The following AKAP6 variants were observed in gnomAD, a reference collection of about 807,000 sequenced individuals.
The protein encoded by AKAP6 is A-kinase anchoring protein 6.
Under a neutral mutation model 188.5 loss-of-function variants are expected in AKAP6, and 58 were observed. The observed-to-expected ratio is 0.31, with a 90% CI of 0.25 to 0.38. The LOEUF is 0.38. Ranked by LOEUF, AKAP6 falls within the 10% of genes least tolerant of loss-of-function variation. The pLI is 1.00. For missense variants in AKAP6, 2,710 were observed against 2,740.0 expected (o/e 0.99, Z 0.24); for synonymous variants, 989 against 998.6 (o/e 0.99, Z 0.18).
intron 4 of AKAP6, among the ~76,000 whole-genome samples, chr14:32,560,895 C>T (rs557605250): frequency 8.3e-4 from 126 of 152,214 alleles, no homozygotes; most frequent in Middle Eastern, 6.8e-3. Flanking sequence ...TGCAAACTGT[C>T]GGGCAGAATG....
chr14:32,476,519 A>G (rs1022539093), intron 2 of AKAP6, among the ~76,000 whole-genome samples: 1 of 152,222 alleles, frequency 6.6e-6, no homozygotes, highest in Non-Finnish European at 1.5e-5. Flanking sequence ...ATTTTTGTAT[A>G]GAATGCAAGT....
At chr14:32,652,792 C>T (rs1011885504) in intron 7 of AKAP6, among the ~76,000 whole-genome samples, 3 of 152,258 alleles carry the variant, frequency 2.0e-5, no homozygotes, top group East Asian at 1.9e-4. Context: ...GTGGCTCATG[C>T]GTATAATCCC....
chr14:32,752,269 A>G (rs896009543), intron 11 of AKAP6, among the ~76,000 whole-genome samples: 3 of 152,208 alleles, frequency 2.0e-5, no homozygotes, highest in African/African-American at 7.2e-5. Context: ...TGGGGCTGCA[A>G]GCAAAGTAAG....
chr14:32,487,473 C>A (rs1467643922), intron 2 of AKAP6, among the ~76,000 whole-genome samples: 1 of 152,208 alleles, frequency 6.6e-6, no homozygotes, highest in Non-Finnish European at 1.5e-5. Context: ...AGCTTTCTTG[C>A]ATTGGGTTAG....
At chr14:32,768,745 T>G (rs2139974382) in intron 11 of AKAP6, among the ~76,000 whole-genome samples, 1 of 152,320 alleles carries the variant, frequency 6.6e-6, no homozygotes, top group South Asian at 2.1e-4. Flanking sequence ...TCCTGTAGAC[T>G]AGTGTTCTCA....
chr14:32,758,884 C>G (rs1020873471), intron 11 of AKAP6, among the ~76,000 whole-genome samples: 2 of 152,204 alleles, frequency 1.3e-5, no homozygotes, highest in African/African-American at 4.8e-5. Context: ...CATTGGAACT[C>G]AGAGATTTAC....
chr14:32,450,256 A>G (rs1474398426), intron 2 of AKAP6, among the ~76,000 whole-genome samples: 1 of 152,124 alleles, frequency 6.6e-6, no homozygotes, highest in Non-Finnish European at 1.5e-5. Context: ...TTATGATTCT[A>G]TCCCAATCCA....
At chr14:32,664,250 G>A (rs1888825453) in intron 7 of AKAP6, among the ~76,000 whole-genome samples, 1 of 152,094 alleles carries the variant, frequency 6.6e-6, no homozygotes, top group African/African-American at 2.4e-5. Context: ...AATAAGTCAA[G>A]CTTTACAAGG....
chr14:32,654,123 C>G (rs1340462749), intron 7 of AKAP6, among the ~76,000 whole-genome samples: 1 of 152,092 alleles, frequency 6.6e-6, no homozygotes, highest in Non-Finnish European at 1.5e-5. Context: ...ATAAAATGCC[C>G]ATAATTTTTA....
intron 1 of AKAP6, among the ~76,000 whole-genome samples, chr14:32,355,906 C>A (rs1231187416): frequency 1.3e-5 from 2 of 152,020 alleles, no homozygotes; most frequent in Non-Finnish European, 2.9e-5. Flanking sequence ...TCCCAAGTAG[C>A]TGGGATTACA....
At chr14:32,629,921 A>T (rs1001684276) in intron 7 of AKAP6, among the ~76,000 whole-genome samples, 1 of 152,058 alleles carries the variant, frequency 6.6e-6, no homozygotes, top group Non-Finnish European at 1.5e-5. Flanking sequence ...AAATTTTTTT[A>T]AAAAAGAATG....
intron 3 of AKAP6, among the ~76,000 whole-genome samples, chr14:32,537,217 G>A (rs544656835): frequency 1.3e-5 from 2 of 152,136 alleles, no homozygotes; most frequent in African/African-American, 2.4e-5. Context: ...AATCAAAATC[G>A]ACTAGGCTTA....
At chr14:32,607,504 C>T (rs546556259) in intron 7 of AKAP6, among the ~76,000 whole-genome samples, 1 of 152,142 alleles carries the variant, frequency 6.6e-6, no homozygotes, top group African/African-American at 2.4e-5. Flanking sequence ...AAGGCCTGGC[C>T]ATTATTTATT....
chr14:32,729,529 T>A (rs1018018244), intron 9 of AKAP6, among the ~76,000 whole-genome samples: 4 of 152,138 alleles, frequency 2.6e-5, no homozygotes, highest in Non-Finnish European at 5.9e-5. Context: ...CTCCTTTTTT[T>A]AAAAGTTTTT....
At chr14:32,343,425 C>T (rs1257624177) in intron 1 of AKAP6, among the ~76,000 whole-genome samples, 1 of 151,394 alleles carries the variant, frequency 6.6e-6, no homozygotes, top group African/African-American at 2.4e-5. Flanking sequence ...TGTGGCATAT[C>T]GGTGGTCAAG....
intron 9 of AKAP6, among the ~76,000 whole-genome samples, chr14:32,728,802 G>A (rs2031022073): frequency 6.6e-6 from 1 of 152,072 alleles, no homozygotes; most frequent in African/African-American, 2.4e-5. Context: ...GCATTATTTT[G>A]AATTCCATCA....
intron 1 of AKAP6, among the ~76,000 whole-genome samples, chr14:32,370,018 C>T (rs948224624): frequency 2.7e-4 from 41 of 152,116 alleles, no homozygotes; most frequent in African/African-American, 8.7e-4. Flanking sequence ...GCGAAAAGAG[C>T]GAAACTCCAT....
chr14:32,707,610 TCCAGTGCCAAGCACAGTGC>T (rs1890863417), intron 9 of AKAP6, among the ~76,000 whole-genome samples: 2 of 152,078 alleles, frequency 1.3e-5, no homozygotes, highest in Admixed American at 1.3e-4. Context: ...TTAATGTATC[TCCAGTGCCAAGCACAGTGC>T]CTGGCACATA....
chr14:32,779,397 G>A (rs569097623), intron 12 of AKAP6, among the ~76,000 whole-genome samples: 2 of 114,274 alleles, frequency 1.8e-5, no homozygotes, highest in East Asian at 5.2e-4. Context: ...GCAACAGAGT[G>A]AGACTCTGTC....
Sources: allele counts gnomAD v4.1 joint callset (sites outside exome capture counted in the v4.1 genomes callset), GRCh38; gene constraint gnomAD v4.1.1; transcripts MANE v1.5; gene names NCBI Gene and HGNC (gene_info 2026-07-23, HGNC 2026-07-21).